NDUFA10: variants seen among roughly 807,000 people sequenced by gnomAD.
NDUFA10 encodes the protein NADH:ubiquinone oxidoreductase subunit A10.
Under a neutral mutation model 47.8 loss-of-function variants are expected in NDUFA10, and 40 were observed. The ratio of observed to expected loss-of-function variants is 0.84; its 90% CI spans 0.65 to 1.09. NDUFA10 has a LOEUF of 1.09. NDUFA10 is among the 50% of genes least tolerant of loss of function. NDUFA10 has a pLI of 0.00. For missense variants in NDUFA10, 413 were observed against 451.1 expected, an observed-to-expected ratio of 0.92 and a Z score of 0.76; for synonymous variants, 183 against 172.2, an observed-to-expected ratio of 1.06 and a Z score of -0.49.
At chr2:239,910,931 G>A (rs1693742697) in intron 4 of NDUFA10, among the ~76,000 whole-genome samples, 1 of 152,320 alleles carries the variant, frequency 6.6e-6, no homozygotes, top group South Asian at 2.1e-4. Context: ...GCTCCGTCCT[G>A]AGCAGAGAGT....
chr2:239,945,270 C>T lies in NDUFA10; in HGVS notation c.294+44804G>A, dbSNP rs112258545. On this transcript the variant is annotated intron_variant, in intron 4 of 5. Transcript: ENST00000419408. This position sits in a 1 kb window ranked among gnomAD's most constrained non-coding sequence, Gnocchi z 4.6. ...GGCTCCTTCATTTGCACAACCGCAG[C>T]GGCAGCGCCATCATTCCTCCTGCTT... Among the ~76,000 whole-genome samples, 2,813 of 152,312 alleles carry T rather than the reference C, an allele frequency of 0.018. 80 individuals are homozygous for T. Among genetic ancestry groups the T allele is most frequent in the African/African-American group, 0.063 (2,598 of 41,560 alleles).
chr2:239,955,373 AGAAG>A (rs1694633190), downstream of NDUFA10, among the ~76,000 whole-genome samples: 1 of 152,162 alleles, frequency 6.6e-6, no homozygotes, highest in Non-Finnish European at 1.5e-5. Flanking sequence ...AGGTTTCTAG[AGAAG>A]GACCATTAGA....
At chr2:239,995,789 T>C (rs781561696) in intron 8 of NDUFA10, among the ~76,000 whole-genome samples, 6 of 152,208 alleles carry the variant, frequency 3.9e-5, no homozygotes, top group Non-Finnish European at 8.8e-5. Flanking sequence ...AGTGGCTATA[T>C]TAAATTCAGA....
intron 4 of NDUFA10, among the ~76,000 whole-genome samples, chr2:239,921,020 T>C (rs551817945): frequency 1.3e-5 from 2 of 152,282 alleles, no homozygotes; most frequent in South Asian, 4.1e-4. Context: ...AGCCACAGGG[T>C]TCTGTGGACA....
At position 240,005,198 on chromosome 2, in the gene NDUFA10, A is replaced by G. The variant is rs1696896147; in HGVS notation, c.890+12T>C. ...CCCAGACATGCAGCAGCCCCCACAC[A>G]GATGCACTTACAGTAATCGCAGGTG... On this transcript the variant is annotated intron_variant, in intron 8 of 9. Coordinates refer to ENST00000252711, the MANE Select transcript of NDUFA10 (RefSeq NM_004544.4). 6.2e-7 allele frequency: 1 copy of G among 1,609,800 alleles called. No individual in the cohort carries two copies. Among genetic ancestry groups the G allele is most frequent in the African/African-American group, 1.3e-5 (1 of 74,958 alleles).
At position 239,938,733 on chromosome 2, in the gene NDUFA10, C is replaced by A. The variant is rs116251368; in HGVS notation, c.295-43419G>T. ...GACCTGTGGATCAGTTAAACGGGGG[C>A]GGCTAGGAAACGAGGCAGGGGAGGG... On this transcript the variant is annotated intron_variant, in intron 4 of 5. Coordinates refer to the NDUFA10 transcript ENST00000419408. Among the ~76,000 whole-genome samples the A allele has an allele frequency of 8.2e-3, 1,249 of 152,186 alleles. 17 individuals are homozygous for A. The highest frequency in any genetic ancestry group is 0.029 in the African/African-American group (1,193 of 41,516).
chr2:239,913,684 C>T (rs1693792360), intron 4 of NDUFA10, among the ~76,000 whole-genome samples: 1 of 152,236 alleles, frequency 6.6e-6, no homozygotes, highest in African/African-American at 2.4e-5. Flanking sequence ...TGTAACACTA[C>T]AGGCTGAACC....
intron 8 of NDUFA10, among the ~76,000 whole-genome samples, chr2:239,995,319 ACAG>A (rs1485782317): frequency 6.6e-6 from 1 of 152,158 alleles, no homozygotes; most frequent in Non-Finnish European, 1.5e-5. Context: ...TGTCACAGTG[ACAG>A]CAGGAGGAGC....
rs10469797 is a variant in NDUFA10 at position 239,938,828 on chromosome 2, A to G, written c.295-43514T>C. ...GAGAAGACGGCGCAGCGAATGCACC[A>G]TCCAGCGAGCATCGGTGCACAAGTG... On this transcript the variant is annotated intron_variant, in intron 4 of 5. Transcript: ENST00000419408. 7.9e-3 allele frequency among the ~76,000 whole-genome samples: 1,196 copies of G among 152,256 alleles called. 16 individuals are homozygous for G. Among genetic ancestry groups the G allele is most frequent in the African/African-American group, 0.028 (1,150 of 41,550 alleles).
Position 239,945,061 on chromosome 2 carries a change from T to C in NDUFA10, c.294+45013A>G, listed in dbSNP as rs139116423. On this transcript the variant is annotated intron_variant, in intron 4 of 5. Transcript: ENST00000419408. This position sits in a 1 kb window ranked among gnomAD's most constrained non-coding sequence, Gnocchi z 4.6. ...TCCCCGAGACAGAATTCCATGGTTTTGGTAGCAGACTCCCAGGCAAGCCTC... is the reference window on the plus strand; with the variant it reads ...TCCCCGAGACAGAATTCCATGGTTTCGGTAGCAGACTCCCAGGCAAGCCTC... Among the ~76,000 whole-genome samples the C allele has an allele frequency of 0.011, 1,748 of 152,028 alleles. 30 individuals carry two copies. Among genetic ancestry groups the C allele is most frequent in the African/African-American group, 0.038 (1,579 of 41,460 alleles).
At chr2:239,993,470 A>G (rs751264225) in intron 8 of NDUFA10, among the ~76,000 whole-genome samples, 4 of 152,228 alleles carry the variant, frequency 2.6e-5, no homozygotes, top group Non-Finnish European at 5.9e-5. Flanking sequence ...GTGGTGGTGG[A>G]AGAAGGGCCT....
intron 4 of NDUFA10, among the ~76,000 whole-genome samples, chr2:239,915,969 T>TAC (rs753871678): frequency 2.9e-4 from 13 of 44,092 alleles, no homozygotes; most frequent in African/African-American, 6.4e-4. Context: ...TACATGGACA[T>TAC]ACACACACAC....
At chr2:239,977,215 A>G (rs1193006453) in intron 9 of NDUFA10, among the ~76,000 whole-genome samples, 1 of 152,174 alleles carries the variant, frequency 6.6e-6, no homozygotes, top group Non-Finnish European at 1.5e-5. Flanking sequence ...CTGGACCCCA[A>G]CTGCCGTCTT....
chr2:239,962,828 C>T (rs769541448), intron 9 of NDUFA10, among the ~76,000 whole-genome samples: 10 of 151,964 alleles, frequency 6.6e-5, no homozygotes, highest in Non-Finnish European at 1.5e-4. Flanking sequence ...GAGCATGAGG[C>T]GGGTAGGGGG....
intron 8 of NDUFA10, among the ~76,000 whole-genome samples, chr2:239,999,981 C>T (rs1400923862): frequency 6.6e-6 from 1 of 152,192 alleles, no homozygotes; most frequent in Non-Finnish European, 1.5e-5. Flanking sequence ...GCTGTCACAG[C>T]GCCGTGGCTC....
At chr2:239,961,249 A>C in intron 9 of NDUFA10, 63 bp from the exon 10 acceptor site, 1 of 1,612,540 alleles carries the variant, frequency 6.2e-7, no homozygotes, top group Non-Finnish European at 8.5e-7. Context: ...CCCAGCTCAT[A>C]GTTCAATGTC....
chr2:239,893,284 C>A (rs1693330219), intron 5 of NDUFA10, among the ~76,000 whole-genome samples: 1 of 152,050 alleles, frequency 6.6e-6, no homozygotes, highest in Non-Finnish European at 1.5e-5. Flanking sequence ...AGTATGTGCA[C>A]AGAAGGGCTC....
rs1055597705 is a variant in NDUFA10 at position 239,959,309 on chromosome 2, G to A, written c.*1809C>T. 4.1e-6 allele frequency: 4 copies of A among 985,466 alleles called. No homozygotes were observed. Among genetic ancestry groups the A allele is most frequent in the Non-Finnish European group, 4.8e-6 (4 of 829,960 alleles). The allele number at this position is 985,466 out of a possible 1,614,324, so 61.0% of individuals were successfully genotyped here. On this transcript the variant is annotated 3_prime_UTR_variant, in exon 10 of 10. Coordinates refer to ENST00000252711, the MANE Select transcript of NDUFA10 (RefSeq NM_004544.4). The stretch of plus-strand genomic sequence containing the variant: ...GCAATCCTGACCACAGGGCAGACCT[G>A]CCCTCTCACTGCTGAGGACACTACC...
chr2:239,952,096 G>A lies in NDUFA10; in HGVS notation c.294+37978C>T, dbSNP rs548170333. Among the ~76,000 whole-genome samples the A allele has an allele frequency of 2.8e-4, 42 of 152,300 alleles. 1 individual carries two copies. In the South Asian group the frequency reaches 8.3e-3, roughly 30 times the overall value. On this transcript the variant is annotated intron_variant, in intron 4 of 5. Coordinates refer to the NDUFA10 transcript ENST00000419408. ...ACAGGAGCCGCCTGTGAGCCCACGGGATGAACCAGCAACACATGTGCCACA... is the reference window on the plus strand; with the variant it reads ...ACAGGAGCCGCCTGTGAGCCCACGGAATGAACCAGCAACACATGTGCCACA...
Sources: gnomAD v4.1 joint callset for allele counts (sites outside exome capture counted in the v4.1 genomes callset) on GRCh38, gnomAD v4.1.1 for gene constraint, Gnocchi (gnomAD v3.1) non-coding constraint, MANE v1.5 for transcripts, NCBI Gene and HGNC (gene_info 2026-07-23, HGNC 2026-07-21) for gene names.